Variants in RB1CC1 observed in about 807,000 individuals in gnomAD.
RB1CC1 encodes the protein RB1 inducible coiled-coil 1.
A neutral mutation model predicts 177.5 loss-of-function variants in RB1CC1; 46 were observed. The ratio of observed to expected loss-of-function variants is 0.26; its 90% confidence interval spans 0.20 to 0.33. The LOEUF is 0.33. RB1CC1 is among the 10% of genes least tolerant of loss of function. The pLI is 1.00. For synonymous variants in RB1CC1, 666 were observed against 613.6 expected, an observed-to-expected ratio of 1.09 and a Z score of -1.26; for missense variants, 1,703 against 1,816.3, an observed-to-expected ratio of 0.94 and a Z score of 1.13.
At chr8:52,625,715 T>C (rs1848340187) in intron 22 of RB1CC1, among the ~76,000 whole-genome samples, 1 of 152,172 alleles carries the variant, frequency 6.6e-6, no homozygotes, top group Non-Finnish European at 1.5e-5. Flanking sequence ...AAGTGTTGAA[T>C]GTCTCATGTA....
chr8:52,668,757 T>A (rs1852300769), intron 7 of RB1CC1, among the ~76,000 whole-genome samples: 1 of 152,186 alleles, frequency 6.6e-6, no homozygotes, highest in African/African-American at 2.4e-5. Flanking sequence ...AAAAATATTT[T>A]ACCTGGCAGC....
intron 22 of RB1CC1, 56 bp from the exon 23 acceptor site, chr8:52,624,843 G>C: frequency 8.0e-7 from 1 of 1,250,682 alleles, no homozygotes; most frequent in Non-Finnish European, 1.1e-6. Context: ...ATTATTCATG[G>C]AAACATAACT....
chr8:52,652,690 T>G lies in RB1CC1; in HGVS notation c.3821+3318A>C, dbSNP rs148192959. Among the ~76,000 whole-genome samples, 15 of 152,284 alleles carry G rather than the reference T, an allele frequency of 9.9e-5. No homozygotes were observed. In the East Asian group the frequency reaches 2.5e-3, roughly 26 times the overall value. On this transcript the variant is annotated intron_variant, in intron 15 of 23. Transcript: ENST00000025008. ...ATATTTAAAAGATGGTAAACACGCA[T>G]GCACACAGATTATATGAATAAGTCT...
chr8:52,657,949 C>G (rs750815454), intron 14 of RB1CC1, 41 bp from the exon 15 acceptor site: 1 of 1,612,514 alleles, frequency 6.2e-7, no homozygotes, highest in Non-Finnish European at 8.5e-7. Context: ...TGCAGGAACA[C>G]AAACATTTTA....
chr8:52,675,824 T>C (rs1388994887), intron 6 of RB1CC1, among the ~76,000 whole-genome samples: 28 of 146,436 alleles, frequency 1.9e-4, no homozygotes, highest in African/African-American at 6.8e-4. Flanking sequence ...GAGGTGGAGG[T>C]TGCAGTGAGC....
Position 52,696,293 on chromosome 8 carries a change from C to T in RB1CC1, c.-166-9326G>A, listed in dbSNP as rs182718100. ...TCCTGACCTCATGATCCACCCGCCT[C>T]GGCCTCCCAAAGTGCTGGGATTACA... On this transcript the variant is annotated intron_variant, in intron 1 of 23. Coordinates refer to ENST00000025008, the MANE Select transcript of RB1CC1 (RefSeq NM_014781.5). Among the ~76,000 whole-genome samples, 802 of 152,068 alleles carry T rather than the reference C, an allele frequency of 5.3e-3. 9 individuals carry two copies. Among genetic ancestry groups the T allele is most frequent in the African/African-American group, 0.017 (716 of 41,516 alleles).
chr8:52,661,371 A>G (rs574928200), intron 9 of RB1CC1, 90 bp from the exon 10 acceptor site: 1 of 1,517,354 alleles, frequency 6.6e-7, no homozygotes, highest in African/African-American at 1.4e-5. Flanking sequence ...TAGTTAAGCC[A>G]AAGAAATCAA....
chr8:52,699,804 C>CAAAAAAAAAAA (rs1172604874), intron 1 of RB1CC1, among the ~76,000 whole-genome samples: 3 of 38,546 alleles, frequency 7.8e-5, no homozygotes, highest in Non-Finnish European at 7.7e-5. Context: ...ATCTCCGTCT[C>CAAAAAAAAAAA]AAAAAAAAAA....
At chr8:52,664,501 T>C (rs1316494565) in intron 8 of RB1CC1, among the ~76,000 whole-genome samples, 1 of 152,150 alleles carries the variant, frequency 6.6e-6, no homozygotes, top group Admixed American at 6.5e-5. Context: ...ATTCTTTTGG[T>C]ATATTCCATG....
chr8:52,665,033 G>T (rs142005398), intron 8 of RB1CC1, among the ~76,000 whole-genome samples: 2,085 of 152,190 alleles, frequency 0.014, 25 homozygotes, highest in Non-Finnish European at 0.019. Context: ...TAAGATAATT[G>T]AAAGCCCTAG....
At chr8:52,675,686 C>T (rs906695667) in intron 6 of RB1CC1, among the ~76,000 whole-genome samples, 4 of 134,640 alleles carry the variant, frequency 3.0e-5, no homozygotes, top group African/African-American at 1.1e-4. Flanking sequence ...CTGCCTAACA[C>T]GGTGAAACCC....
intron 1 of RB1CC1, among the ~76,000 whole-genome samples, chr8:52,699,870 C>G (rs1378769935): frequency 2.2e-5 from 1 of 46,248 alleles, no homozygotes; most frequent in African/African-American, 9.8e-5. Flanking sequence ...CACACAAAAA[C>G]AAAAGAAAGC....
At position 52,686,903 on chromosome 8, in the gene RB1CC1, A is replaced by G; in HGVS notation, c.-102T>C. On this transcript the variant is annotated 5_prime_UTR_variant, in exon 2 of 24. Transcript: ENST00000025008. ...CACTTTTCTTAAAAAGTAGATTAAA[A>G]CTGGCTTATGTTTGCTTTGCTTGAG... 1 of 456,564 alleles carries G rather than the reference A, an allele frequency of 2.2e-6. No individual in the cohort carries two copies. Among genetic ancestry groups the G allele is most frequent in the Non-Finnish European group, 4.4e-6 (1 of 226,938 alleles). 28.3% of individuals were successfully genotyped at this position (456,564 alleles called of 1,614,324 possible).
intron 5 of RB1CC1, among the ~76,000 whole-genome samples, chr8:52,681,682 G>C (rs1000214057): frequency 1.1e-4 from 16 of 152,306 alleles, no homozygotes; most frequent in Admixed American, 8.5e-4. Context: ...TATAATCCCA[G>C]CACTTAGGGA....
intron 15 of RB1CC1, among the ~76,000 whole-genome samples, chr8:52,646,866 A>T (rs906219247): frequency 1.3e-5 from 2 of 152,196 alleles, no homozygotes; most frequent in East Asian, 1.9e-4. Context: ...CATTAAAAAA[A>T]GGTTTCTCCA....
At position 52,636,053 on chromosome 8, in the gene RB1CC1, A is replaced by G. The variant is rs2150392363; in HGVS notation, c.4354T>C (p.Leu1452=). The G allele has an allele frequency of 6.2e-7, 1 of 1,606,380 alleles. No homozygotes were observed. Among genetic ancestry groups the G allele is most frequent in the East Asian group, 2.2e-5 (1 of 44,590 alleles). Residue 1452 remains leucine, a synonymous_variant, in exon 19 of 24, where the codon TTG becomes CTG. Transcript: ENST00000025008. ...ATTATCCGCTGTTTTTCTTCAGACA[A>G]CATATGAATATTTTCTCTAAAAGTG... is the stretch of plus-strand genomic sequence containing the variant. ...MMSVQENIHM[L]SEEKQRIMLL... is the part of the protein sequence containing the mutation.
At chr8:52,678,475 C>G (rs1465950577) in intron 5 of RB1CC1, among the ~76,000 whole-genome samples, 3 of 151,966 alleles carry the variant, frequency 2.0e-5, no homozygotes. Flanking sequence ...AGGCTAAGGT[C>G]AGTTAGAAAT....
At chr8:52,632,667 GAC>G (rs1189613718) in intron 20 of RB1CC1, among the ~76,000 whole-genome samples, 1 of 152,090 alleles carries the variant, frequency 6.6e-6, no homozygotes, top group African/African-American at 2.4e-5. Flanking sequence ...GGGTCTGAAA[GAC>G]AATTTATTCT....
At chr8:52,628,622 G>A (rs140321516) in intron 21 of RB1CC1, among the ~76,000 whole-genome samples, 2 of 152,188 alleles carry the variant, frequency 1.3e-5, no homozygotes, top group African/African-American at 4.8e-5. Context: ...AACTGAGCTA[G>A]GTCCAGAAGT....
Sources: gnomAD v4.1 joint callset for allele counts (sites outside exome capture counted in the v4.1 genomes callset) on GRCh38, gnomAD v4.1.1 for gene constraint, MANE v1.5 for transcripts, NCBI Gene and HGNC (gene_info 2026-07-23, HGNC 2026-07-21) for gene names.